The following LCORL variants were observed in gnomAD, a reference collection of about 807,000 sequenced individuals.
LCORL encodes the protein ligand-dependent nuclear receptor corepressor-like protein.
Under a neutral mutation model 141.8 loss-of-function variants are expected in LCORL, and 41 were observed. The ratio of observed to expected loss-of-function variants is 0.29; its 90% CI spans 0.23 to 0.38. LCORL has a LOEUF of 0.38. Ranked by LOEUF, LCORL falls within the 10% of genes least tolerant of loss-of-function variation. The pLI is 1.00. For missense variants in LCORL, 1,759 were observed against 2,035.0 expected (o/e 0.86, Z 2.61); for synonymous variants, 618 against 694.1 (o/e 0.89, Z 1.72).
intron 7 of LCORL, among the ~76,000 whole-genome samples, chr4:17,852,398 A>G (rs1170813508): frequency 6.6e-6 from 1 of 152,134 alleles, no homozygotes; most frequent in Non-Finnish European, 1.5e-5. Flanking sequence ...TTCATAAGAA[A>G]AAAAAAAGGT....
intron 7 of LCORL, among the ~76,000 whole-genome samples, chr4:17,847,432 C>A (rs911212585): frequency 2.6e-5 from 4 of 152,158 alleles, no homozygotes; most frequent in African/African-American, 9.7e-5. Flanking sequence ...TCCTGTTTTA[C>A]CACCACTAAC....
chr4:17,845,758 G>A (rs1202532104), exon 8 of LCORL: 1 of 1,613,394 alleles, frequency 6.2e-7, no homozygotes, highest in Non-Finnish European at 8.5e-7. Flanking sequence ...GTTATGAACT[G>A]TACAGCTCGT....
intron 4 of LCORL, among the ~76,000 whole-genome samples, chr4:17,940,401 A>G (rs1330280115): frequency 6.8e-6 from 1 of 147,972 alleles, no homozygotes; most frequent in East Asian, 1.9e-4. Context: ...ATATATAGGA[A>G]ACAAACTATA....
At chr4:18,008,953 A>G (rs1723231754) in intron 1 of LCORL, among the ~76,000 whole-genome samples, 1 of 152,170 alleles carries the variant, frequency 6.6e-6, no homozygotes, top group African/African-American at 2.4e-5. Context: ...AAATGTCTAC[A>G]TAATGACCCA....
intron 2 of LCORL, among the ~76,000 whole-genome samples, chr4:17,967,288 C>T (rs542269420): frequency 5.3e-5 from 8 of 152,206 alleles, no homozygotes; most frequent in South Asian, 2.1e-4. Context: ...GTTTAGAAGA[C>T]GGTTTTTGGC....
intron 7 of LCORL, among the ~76,000 whole-genome samples, chr4:17,863,608 T>C (rs184535437): frequency 2.8e-4 from 43 of 152,252 alleles, no homozygotes; most frequent in South Asian, 1.0e-3. Context: ...GAGCTAAAAA[T>C]AGAACTACCA....
chr4:17,888,802 A>G (rs925968734), intron 5 of LCORL, among the ~76,000 whole-genome samples: 1 of 152,138 alleles, frequency 6.6e-6, no homozygotes, highest in Non-Finnish European at 1.5e-5. Flanking sequence ...TTTGGCAATT[A>G]AAATTTTACT....
chr4:17,964,866 C>CCT (rs749774572), intron 2 of LCORL, among the ~76,000 whole-genome samples: 62 of 141,548 alleles, frequency 4.4e-4, no homozygotes, highest in South Asian at 1.4e-3. Flanking sequence ...TCTTACTGCC[C>CCT]TTTTTTTTTT....
intron 6 of LCORL, chr4:17,880,417 T>G (rs1007842357): frequency 5.6e-6 from 5 of 887,404 alleles, no homozygotes; most frequent in African/African-American, 5.4e-5. Context: ...CCTTTGCTTT[T>G]AAAGTTTTCT....
chr4:17,956,303 C>G (rs532988344), intron 4 of LCORL, among the ~76,000 whole-genome samples: 2 of 152,126 alleles, frequency 1.3e-5, no homozygotes, highest in African/African-American at 4.8e-5. Flanking sequence ...AACCCCACTA[C>G]TGGGTATCTA....
At chr4:17,950,583 T>C (rs577489025) in intron 4 of LCORL, among the ~76,000 whole-genome samples, 2 of 152,080 alleles carry the variant, frequency 1.3e-5, no homozygotes, top group African/African-American at 4.8e-5. Flanking sequence ...ATGAATGGAG[T>C]ACGGAAGAAT....
chr4:17,958,561 T>A (rs1560404760), intron 4 of LCORL, among the ~76,000 whole-genome samples: 1 of 152,136 alleles, frequency 6.6e-6, no homozygotes, highest in African/African-American at 2.4e-5. Context: ...TATATCTATA[T>A]GCCTATGTTT....
chr4:17,987,206 T>C (rs986588189), intron 1 of LCORL, among the ~76,000 whole-genome samples: 6 of 152,222 alleles, frequency 3.9e-5, no homozygotes, highest in African/African-American at 1.2e-4. Flanking sequence ...CTGTATTTCT[T>C]GTCCATTCAT....
At chr4:17,875,646 T>C in exon 7 of LCORL, 1 of 1,231,350 alleles carries the variant, frequency 8.1e-7, no homozygotes, top group Non-Finnish European at 1.0e-6. Context: ...ACTAAAGGGC[T>C]CATTCTGGCA....
At chr4:17,851,882 T>TA (rs1560250879) in intron 7 of LCORL, among the ~76,000 whole-genome samples, 5 of 152,242 alleles carry the variant, frequency 3.3e-5, no homozygotes, top group African/African-American at 1.2e-4. Flanking sequence ...AAAAGTGGCA[T>TA]ACCATTGTTT....
At chr4:17,946,854 G>A (rs1422678491) in intron 4 of LCORL, among the ~76,000 whole-genome samples, 1 of 151,806 alleles carries the variant, frequency 6.6e-6, no homozygotes, top group Non-Finnish European at 1.5e-5. Context: ...GAAACTAAGA[G>A]CTATTAAAAG....
chr4:17,959,020 C>G (rs1411961599), intron 4 of LCORL, among the ~76,000 whole-genome samples: 1 of 152,060 alleles, frequency 6.6e-6, no homozygotes, highest in East Asian at 1.9e-4. Context: ...ACTTATTCAA[C>G]CCTGAAAGAG....
intron 4 of LCORL, among the ~76,000 whole-genome samples, chr4:17,935,125 C>T (rs1736642155): frequency 6.6e-6 from 1 of 152,086 alleles, no homozygotes; most frequent in African/African-American, 2.4e-5. Context: ...TATAGGGCCG[C>T]TTTGGTAGGT....
At chr4:17,876,799 T>G in exon 7 of LCORL, 1 of 1,230,836 alleles carries the variant, frequency 8.1e-7, no homozygotes, top group Non-Finnish European at 1.0e-6. Flanking sequence ...GGCTTTCTTA[T>G]GCTCATTTTC....
Sources: gnomAD v4.1 joint callset for allele counts (sites outside exome capture counted in the v4.1 genomes callset) on GRCh38, gnomAD v4.1.1 for gene constraint, MANE v1.5 for transcripts, NCBI Gene and HGNC (gene_info 2026-07-23, HGNC 2026-07-21) for gene names.